Variants in PAOX observed in about 807,000 individuals in gnomAD.
The protein encoded by PAOX is peroxisomal N(1)-acetyl-spermine/spermidine oxidase.
In PAOX, 38 loss-of-function variants were observed where a neutral mutation model predicts 39.0. That is an observed-to-expected ratio of 0.97 (90% confidence interval 0.75 to 1.28). PAOX has a LOEUF of 1.28. PAOX is among the 50% of genes most tolerant of loss of function. The pLI, the probability that PAOX is intolerant of heterozygous loss-of-function variation, is 0.00. For synonymous variants in PAOX, 311 were observed against 314.4 expected, an observed-to-expected ratio of 0.99 and a Z score of 0.11; for missense variants, 667 against 685.7, an observed-to-expected ratio of 0.97 and a Z score of 0.30.
At chr10:133,383,180 C>T (rs1198636478) in intron 3 of PAOX, among the ~76,000 whole-genome samples, 2 of 151,480 alleles carry the variant, frequency 1.3e-5, no homozygotes, top group African/African-American at 2.4e-5. Flanking sequence ...AGCGAAACTC[C>T]GTCTCAAAAA....
rs1163646394 is a variant in PAOX at position 133,380,483 on chromosome 10, T to C, written c.666T>C (p.Ser222=). ...TVLPGLDCTF[S]KGYQGLTNCM... ...TGCCGGGGCTGGACTGCACCTTTTC[T>C]AAGTGCGTGCCTGAGCCCCTGCCCC... The change falls in exon 2 of 7, where the codon TCT becomes TCC. Residue 222 remains serine (S), a splice_region_variant and synonymous_variant. Coordinates refer to ENST00000278060, the MANE Select transcript of PAOX (RefSeq NM_152911.4). 1 of 1,600,994 alleles carries C rather than the reference T, an allele frequency of 6.2e-7. No homozygotes were observed. Among genetic ancestry groups the C allele is most frequent in the South Asian group, 1.1e-5 (1 of 90,238 alleles).
At position 133,381,529 on chromosome 10, in the gene PAOX, T is replaced by C. The variant is rs748792294; in HGVS notation, c.738T>C (p.Pro246=). The C allele has an allele frequency of 2.0e-5, 33 of 1,613,546 alleles. No homozygotes were observed. Among genetic ancestry groups the C allele is most frequent in the South Asian group, 3.3e-5 (3 of 91,088 alleles). ...LPEDTVVFEK[P]VKTIHWNGSF... is the part of the protein sequence containing the mutation. ...AGGACACTGTAGTTTTTGAGAAGCC[T>C]GTGAAGACCATCCACTGGAACGGGT... Residue 246 remains proline (P), a synonymous_variant, in exon 3 of 7, where the codon CCT becomes CCC. Coordinates refer to ENST00000278060, the MANE Select transcript of PAOX (RefSeq NM_152911.4).
chr10:133,387,759 C>G (rs907766568), intron 4 of PAOX, among the ~76,000 whole-genome samples: 2 of 152,172 alleles, frequency 1.3e-5, no homozygotes, highest in Non-Finnish European at 1.5e-5. Flanking sequence ...CTTACTCTGT[C>G]GCCCAGGCTG....
Position 133,384,904 on chromosome 10 carries a change from A to G in PAOX, c.1121+692A>G, listed in dbSNP as rs1014955249. On this transcript the variant is annotated intron_variant, in intron 4 of 6. Coordinates refer to ENST00000278060, the MANE Select transcript of PAOX (RefSeq NM_152911.4). This position sits in a 1 kb window ranked among gnomAD's most constrained non-coding sequence, Gnocchi z 4.3. ...GTAGGGCATGCCTGCCAGATGGTTCATAGTTGCCATCCACTGGGAGCAGGA... is the reference window on the plus strand; with the variant it reads ...GTAGGGCATGCCTGCCAGATGGTTCGTAGTTGCCATCCACTGGGAGCAGGA... 6.6e-6 allele frequency among the ~76,000 whole-genome samples: 1 copy of G among 152,220 alleles called. No individual in the cohort carries two copies. The highest frequency in any genetic ancestry group is 2.4e-5 in the African/African-American group (1 of 41,458).
chr10:133,385,694 C>T (rs1425994625), intron 4 of PAOX, among the ~76,000 whole-genome samples: 1 of 152,188 alleles, frequency 6.6e-6, no homozygotes, highest in Admixed American at 6.5e-5. Flanking sequence ...CGCCATTCTC[C>T]TGCCTCAGCC....
intron 2 of PAOX, 113 bp from the exon 3 acceptor site, chr10:133,381,347 A>G: frequency 1.0e-6 from 1 of 991,750 alleles, no homozygotes; most frequent in Non-Finnish European, 1.5e-6. Flanking sequence ...TGAGCGATGG[A>G]GAGCTCCCCG....
At position 133,389,615 on chromosome 10, in the gene PAOX, G is replaced by T; in HGVS notation, c.1260G>T (p.Lys420Asn). The T allele has an allele frequency of 6.2e-7, 1 of 1,613,736 alleles. No homozygotes were observed. The highest frequency in any genetic ancestry group is 8.5e-7 in the Non-Finnish European group (1 of 1,180,014). ...GAAACCCACGGCTCCCCGCGCCCAA[G>T]AGCGTCCTGCGGTCTCGCTGGCACA... ...VTGNPRLPAP[K>N]SVLRSRWHSA... The change falls in exon 6 of 7, where the codon AAG becomes AAT. Residue 420 changes from lysine to asparagine, a missense_variant. Physicochemically the swap from Lys to Asn is moderately conservative, Grantham distance 94. Transcript: ENST00000278060.
chr10:133,380,508 C>G (rs779540938), intron 2 of PAOX, 23 bp downstream of exon 2: 1 of 1,571,074 alleles, frequency 6.4e-7, no homozygotes, highest in Admixed American at 1.8e-5. Flanking sequence ...GCCCCTGCCC[C>G]GCCAGTCCTC....
At chr10:133,379,582 A>G in intron 1 of PAOX, 85 bp downstream of exon 1, 4 of 1,114,448 alleles carry the variant, frequency 3.6e-6, no homozygotes, top group Non-Finnish European at 4.5e-6. Flanking sequence ...CGCGCAGCCG[A>G]CCTGCCCGGC....
Position 133,384,966 on chromosome 10 carries a change from G to A in PAOX, c.1121+754G>A, listed in dbSNP as rs1363074199. Among the ~76,000 whole-genome samples the A allele has an allele frequency of 2.0e-5, 3 of 152,196 alleles. No individual in the cohort carries two copies. The highest frequency in any genetic ancestry group is 2.9e-5 in the Non-Finnish European group (2 of 68,046). On this transcript the variant is annotated intron_variant, in intron 4 of 6. Coordinates refer to ENST00000278060, the MANE Select transcript of PAOX (RefSeq NM_152911.4). This position sits in a 1 kb window ranked among gnomAD's most constrained non-coding sequence, Gnocchi z 4.3. ...GCAGACCAGCCCTGCACCTGTGACG[G>A]GGGAAGCCTGTGTGTCTCCTTCACA...
intron 1 of PAOX, 115 bp downstream of exon 1, chr10:133,379,612 A>G (rs1849294521): frequency 1.4e-5 from 12 of 867,098 alleles, no homozygotes; most frequent in Non-Finnish European, 1.8e-5. Context: ...GGGCTCCCCG[A>G]GGGAATCCCC....
At chr10:133,389,566 A>T (rs1374487534) in intron 5 of PAOX, 24 bp from the exon 6 acceptor site, 1 of 1,613,734 alleles carries the variant, frequency 6.2e-7, no homozygotes, top group East Asian at 2.2e-5. Context: ...TTCTCGGTTA[A>T]CATGCAGTGT....
chr10:133,389,773 G>T (rs749301845), intron 6 of PAOX, 26 bp downstream of exon 6: 1 of 1,448,970 alleles, frequency 6.9e-7, no homozygotes. Context: ...CAGTCGGGGG[G>T]CGTGGGTCCC....
chr10:133,385,323 T>C (rs931214250), intron 4 of PAOX, among the ~76,000 whole-genome samples: 2 of 151,276 alleles, frequency 1.3e-5, no homozygotes, highest in South Asian at 4.2e-4. Flanking sequence ...AAACTGGCAT[T>C]CCAGGTGTTG....
In PAOX at chr10:133,380,115, C is replaced by G; in HGVS notation, c.298C>G (p.Gln100Glu). 6.4e-7 allele frequency: 1 copy of G among 1,571,768 alleles called. No homozygotes were observed. Among genetic ancestry groups the G allele is most frequent in the Non-Finnish European group, 8.6e-7 (1 of 1,158,488 alleles). ...GGAGAAGGAGCTGTCCCAGGAGAACCAGCTGGTGGAGACCGGGGGTCACGT... is the reference window on the plus strand; with the variant it reads ...GGAGAAGGAGCTGTCCCAGGAGAACGAGCTGGTGGAGACCGGGGGTCACGT... ...LGEKELSQEN[Q>E]LVETGGHVGL... The change falls in exon 2 of 7, where the codon CAG becomes GAG. Residue 100 changes from glutamine (Q) to glutamate (E), a missense_variant. Physicochemically the swap from Gln to Glu is conservative, Grantham distance 29. Coordinates refer to ENST00000278060, the MANE Select transcript of PAOX (RefSeq NM_152911.4).
intron 5 of PAOX, 133 bp from the exon 6 acceptor site, chr10:133,389,457 A>G: frequency 7.5e-7 from 1 of 1,325,592 alleles, no homozygotes; most frequent in Non-Finnish European, 1.0e-6. Context: ...CTCTCCTGAC[A>G]CACTCTGCTG....
rs3747879 is a variant in PAOX, at chr10:133,384,176, G to T, written c.1085G>T (p.Arg362Leu). Residue 362 changes from arginine (R) to leucine (L), a missense_variant, in exon 4 of 7, where the codon CGG (arginine) becomes CTG (leucine). By Grantham distance (102) the Arg-to-Leu change is moderately radical (BLOSUM62 -2). Coordinates refer to ENST00000278060, the MANE Select transcript of PAOX (RefSeq NM_152911.4). This position sits in a 1 kb window ranked among gnomAD's most constrained non-coding sequence, Gnocchi z 4.3. ...CCTGAGCTACAGGACGCCTGGTTCC[G>T]GAAGCTCATTGGCTTTGTGGTCCTG... is the stretch of plus-strand genomic sequence containing the variant. ...AAPELQDAWF[R>L]KLIGFVVLPA... 1 of 1,614,086 alleles carries T rather than the reference G, an allele frequency of 6.2e-7. No individual in the cohort carries two copies. Among genetic ancestry groups the T allele is most frequent in the Non-Finnish European group, 8.5e-7 (1 of 1,180,014 alleles).
chr10:133,379,297 C>G lies in PAOX; in HGVS notation c.-20C>G. 2 of 1,213,176 alleles carry G rather than the reference C, an allele frequency of 1.6e-6. No individual in the cohort carries two copies. The highest frequency in any genetic ancestry group is 2.0e-6 in the Non-Finnish European group (2 of 976,582). 75.2% of individuals were successfully genotyped at this position (1,213,176 alleles called of 1,614,324 possible). A position where few individuals can be genotyped will look rare whatever the true frequency, so the allele number is the denominator to read the frequency against. On this transcript the variant is annotated 5_prime_UTR_variant, in exon 1 of 7. Coordinates refer to ENST00000278060, the MANE Select transcript of PAOX (RefSeq NM_152911.4). The stretch of plus-strand genomic sequence containing the variant: ...GACCTCCCGGCTACTCAGAAGCCCT[C>G]GGACTGCCCGGACCGCGCGATGGAG...
chr10:133,384,222 C>T lies in PAOX; in HGVS notation c.1121+10C>T. 1 of 1,611,072 alleles carries T rather than the reference C, an allele frequency of 6.2e-7. No homozygotes were observed. Among genetic ancestry groups the T allele is most frequent in the Non-Finnish European group, 8.5e-7 (1 of 1,178,300 alleles). The stretch of plus-strand genomic sequence containing the variant: ...TCCTGCCTGCCTTTGCGTACGTTTG[C>T]TCCCTGAGAAGTTCTGCGAGTGGCT... On this transcript the variant is annotated intron_variant, in intron 4 of 6. Coordinates refer to ENST00000278060, the MANE Select transcript of PAOX (RefSeq NM_152911.4). This position sits in a 1 kb window ranked among gnomAD's most constrained non-coding sequence, Gnocchi z 4.3.
Sources: gnomAD v4.1 joint callset for allele counts (sites outside exome capture counted in the v4.1 genomes callset) on GRCh38, gnomAD v4.1.1 for gene constraint, Gnocchi (gnomAD v3.1) non-coding constraint, MANE v1.5 for transcripts, NCBI Gene and HGNC (gene_info 2026-07-23, HGNC 2026-07-21) for gene names.